The following KCTD9 variants were observed in gnomAD, a reference collection of about 807,000 sequenced individuals.
KCTD9 encodes BTB/POZ domain-containing protein KCTD9.
KCTD9 carries 17 observed loss-of-function variants against 53.3 expected under a neutral mutation model. That is an observed-to-expected ratio of 0.32 (90% confidence interval 0.22 to 0.48). The LOEUF (loss-of-function observed/expected upper bound fraction) is 0.48. KCTD9 is among the 20% of genes least tolerant of loss of function. The pLI is 0.99. For missense variants in KCTD9, 179 were observed against 465.5 expected (o/e 0.38, Z 5.66); for synonymous variants, 128 against 162.7 (o/e 0.79, Z 1.62).
Position 25,430,440 on chromosome 8 carries a change from G to A in KCTD9, c.1054-467C>T, listed in dbSNP as rs113090690. Reference sequence around the variant, plus strand: ...CAGCAGGGGCATTAGATTCGCACAGGAGCGTGAACCCTATTGTGAACTGCA... The same window carrying A: ...CAGCAGGGGCATTAGATTCGCACAGAAGCGTGAACCCTATTGTGAACTGCA... On this transcript the variant is annotated intron_variant, in intron 11 of 11. Coordinates refer to ENST00000221200, the MANE Select transcript of KCTD9 (RefSeq NM_017634.4). 5.3e-3 allele frequency among the ~76,000 whole-genome samples: 809 copies of A among 152,244 alleles called. 7 individuals carry two copies. Among genetic ancestry groups the A allele is most frequent in the Middle Eastern group, 0.014 (4 of 294 alleles).
Position 25,429,892 on chromosome 8 carries a change from G to A in KCTD9, c.1135C>T (p.Leu379=). Residue 379 remains leucine (L), a synonymous_variant, in exon 12 of 12, where the codon CTG becomes TTG. Transcript: ENST00000221200. ...NVKGAIFEEM[L]TPLHMSQSVR ...CTTTGTGACATGTGTAGTGGTGTCAGCATCTCTTCAAATATAGCTCCCTTC... is the reference window on the plus strand; with the variant it reads ...CTTTGTGACATGTGTAGTGGTGTCAACATCTCTTCAAATATAGCTCCCTTC... The A allele has an allele frequency of 6.2e-7, 1 of 1,601,360 alleles. No homozygotes were observed. Among genetic ancestry groups the A allele is most frequent in the East Asian group, 2.2e-5 (1 of 44,818 alleles).
intron 6 of KCTD9, among the ~76,000 whole-genome samples, 187 bp downstream of exon 6, chr8:25,439,092 T>G (rs1000967824): frequency 6.6e-6 from 1 of 152,208 alleles, no homozygotes; most frequent in Non-Finnish European, 1.5e-5. Context: ...CACCTGCCCG[T>G]GCCTAAATCT....
intron 1 of KCTD9, chr8:25,451,455 C>T (rs1250802830): frequency 6.6e-6 from 1 of 152,142 alleles, no homozygotes; most frequent in Non-Finnish European, 1.5e-5. Flanking sequence ...ATAGTGCTTA[C>T]AAAGGTCATT....
intron 1 of KCTD9, among the ~76,000 whole-genome samples, chr8:25,456,837 T>C (rs1048579528): frequency 6.6e-6 from 1 of 152,224 alleles, no homozygotes; most frequent in Admixed American, 6.5e-5. Context: ...ATGAGTAACA[T>C]AGCAGAGATA....
intron 1 of KCTD9, chr8:25,450,541 G>A: frequency 2.5e-6 from 2 of 796,644 alleles, no homozygotes; most frequent in Non-Finnish European, 3.0e-6. Flanking sequence ...TCTGGGCATG[G>A]TGGCTCAAGC....
At chr8:25,447,924 C>T (rs1294023126) in intron 1 of KCTD9, among the ~76,000 whole-genome samples, 3 of 151,964 alleles carry the variant, frequency 2.0e-5, no homozygotes, top group Non-Finnish European at 4.4e-5. Context: ...CCCAGGAGTT[C>T]GAGACCTGCC....
intron 1 of KCTD9, chr8:25,457,867 C>A (rs1802491485): frequency 5.0e-6 from 1 of 200,696 alleles, no homozygotes; most frequent in Non-Finnish European, 1.0e-5. Flanking sequence ...CGGGAAGAGG[C>A]GCGACCGCCC....
intron 2 of KCTD9, among the ~76,000 whole-genome samples, chr8:25,445,256 T>G (rs1484435107): frequency 6.6e-6 from 1 of 152,200 alleles, no homozygotes; most frequent in Admixed American, 6.5e-5. Flanking sequence ...AAAACCCAAC[T>G]AGCTGTATGA....
intron 1 of KCTD9, among the ~76,000 whole-genome samples, chr8:25,454,461 T>C (rs186350413): frequency 1.2e-4 from 19 of 152,334 alleles, no homozygotes; most frequent in South Asian, 6.2e-4. Context: ...ATAGAAACTC[T>C]GCACTGACAT....
intron 1 of KCTD9, among the ~76,000 whole-genome samples, chr8:25,453,522 G>A (rs994492111): frequency 6.0e-5 from 9 of 149,624 alleles, no homozygotes; most frequent in African/African-American, 2.2e-4. Context: ...GTATGGTGGC[G>A]GGCGCCTGTA....
At chr8:25,439,720 T>C in intron 4 of KCTD9, 56 bp from the exon 5 acceptor site, 3 of 1,611,748 alleles carry the variant, frequency 1.9e-6, no homozygotes, top group Non-Finnish European at 2.5e-6. Context: ...AACAAACATA[T>C]TTAAGTCAAG....
chr8:25,436,433 TA>T lies in KCTD9; in HGVS notation c.551del (p.Leu184GlnfsTer5). On this transcript the variant is annotated frameshift_variant, in exon 7 of 12. Transcript: ENST00000221200. LOFTEE classifies it high-confidence loss of function. ...FFGIDSLIEH[L>X]EVAIKNSQPP... ...ACAGGCTTACCTTTATTGCCACTTC[TA>T]GGTGTTCAATCAATGAGTCAATACC... is the stretch of plus-strand genomic sequence containing the variant. The T allele has an allele frequency of 6.2e-7, 1 of 1,606,268 alleles. No individual in the cohort carries two copies. The highest frequency in any genetic ancestry group is 1.1e-5 in the South Asian group (1 of 89,444).
chr8:25,441,313 C>A (rs1461996981), intron 3 of KCTD9, among the ~76,000 whole-genome samples: 1 of 152,076 alleles, frequency 6.6e-6, no homozygotes. Context: ...ATTGGAAAAA[C>A]TGTCCTGTCA....
rs199896035 is a variant in KCTD9 at position 25,429,954 on chromosome 8, C to T, written c.1073G>A (p.Cys358Tyr). The T allele has an allele frequency of 6.3e-7, 1 of 1,593,122 alleles. No individual in the cohort carries two copies. The highest frequency in any genetic ancestry group is 1.3e-5 in the African/African-American group (1 of 74,634). Residue 358 changes from cysteine (C) to tyrosine (Y), a missense_variant, in exon 12 of 12, where the codon TGT becomes TAT. By Grantham distance (194) the Cys-to-Tyr change is radical. Coordinates refer to ENST00000221200, the MANE Select transcript of KCTD9 (RefSeq NM_017634.4). ...TCTCAGGTTGGCTTCTTGAAGATCACACCCAGACAGATCACAATTCTGCAA... is the reference window on the plus strand; with the variant it reads ...TCTCAGGTTGGCTTCTTGAAGATCATACCCAGACAGATCACAATTCTGCAA... The part of the protein sequence containing the change: ...TDLENCDLSG[C>Y]DLQEANLRGS...
At chr8:25,435,812 T>C (rs575029250) in intron 8 of KCTD9, among the ~76,000 whole-genome samples, 173 of 152,174 alleles carry the variant, frequency 1.1e-3, no homozygotes, top group Non-Finnish European at 2.3e-3. Flanking sequence ...AATAAGTATT[T>C]AAACCTAATT....
At chr8:25,432,742 A>AT (rs1046295160) in intron 10 of KCTD9, 105 bp from the exon 11 acceptor site, 4 of 994,558 alleles carry the variant, frequency 4.0e-6, no homozygotes, top group Non-Finnish European at 5.9e-6. Flanking sequence ...ACTTTTGGAA[A>AT]TTAATCTAAA....
chr8:25,436,962 G>A (rs1174404632), intron 6 of KCTD9, among the ~76,000 whole-genome samples: 2 of 152,078 alleles, frequency 1.3e-5, no homozygotes, highest in African/African-American at 4.8e-5. Flanking sequence ...TAGAACTCTG[G>A]AATTACAAAG....
chr8:25,442,198 G>A (rs939428388), intron 3 of KCTD9, among the ~76,000 whole-genome samples: 61 of 151,974 alleles, frequency 4.0e-4, no homozygotes, highest in African/African-American at 1.4e-3. Flanking sequence ...ATATTGAAAG[G>A]ATCCATCACA....
chr8:25,437,616 T>C (rs1802041293), intron 6 of KCTD9, among the ~76,000 whole-genome samples: 1 of 151,880 alleles, frequency 6.6e-6, no homozygotes, highest in Admixed American at 6.6e-5. Context: ...AGGCGGACCT[T>C]ACAGTGAGCC....
Sources: allele counts gnomAD v4.1 joint callset (sites outside exome capture counted in the v4.1 genomes callset), GRCh38; gene constraint gnomAD v4.1.1; transcripts MANE v1.5; gene names NCBI Gene and HGNC (gene_info 2026-07-23, HGNC 2026-07-21).